AKAP6: variants seen among roughly 807,000 people sequenced by gnomAD.
AKAP6 encodes the protein A-kinase anchor protein 6.
In AKAP6, 58 loss-of-function variants were observed where a neutral mutation model predicts 188.5. That is an observed-to-expected ratio of 0.31 (90% CI 0.25 to 0.38). AKAP6 has a LOEUF of 0.38. AKAP6 is among the 10% of genes least tolerant of loss of function. The probability of loss-of-function intolerance (pLI) is 1.00; values close to 1 mark genes in which losing one functional copy is unlikely to be tolerated. For missense variants in AKAP6, 2,710 were observed against 2,740.0 expected, an observed-to-expected ratio of 0.99 and a Z score of 0.24; for synonymous variants, 989 against 998.6, an observed-to-expected ratio of 0.99 and a Z score of 0.18.
chr14:32,432,370 C>G (rs904677781), intron 1 of AKAP6, among the ~76,000 whole-genome samples: 1 of 152,138 alleles, frequency 6.6e-6, no homozygotes, highest in African/African-American at 2.4e-5. Flanking sequence ...GATAATTAAA[C>G]TAATTAAATT....
intron 2 of AKAP6, among the ~76,000 whole-genome samples, chr14:32,485,486 C>CT (rs1287006038): frequency 6.6e-6 from 1 of 152,130 alleles, no homozygotes; most frequent in Non-Finnish European, 1.5e-5. Context: ...TGTTTCCTGA[C>CT]TTTTTAATGA....
chr14:32,736,528 G>C (rs111827996), intron 11 of AKAP6, among the ~76,000 whole-genome samples: 10 of 152,142 alleles, frequency 6.6e-5, no homozygotes, highest in African/African-American at 2.2e-4. Context: ...TTCCCCTATT[G>C]CCCAACCTAG....
chr14:32,805,220 C>A (rs937575934), intron 12 of AKAP6, among the ~76,000 whole-genome samples: 1 of 152,174 alleles, frequency 6.6e-6, no homozygotes, highest in African/African-American at 2.4e-5. Context: ...TGCCACGGCT[C>A]CTGCCTGGTC....
intron 8 of AKAP6, among the ~76,000 whole-genome samples, chr14:32,692,494 T>G (rs923022365): frequency 2.6e-5 from 4 of 152,202 alleles, no homozygotes; most frequent in Non-Finnish European, 4.4e-5. Flanking sequence ...TCATTTTAAG[T>G]AAGTGAATTT....
At chr14:32,603,487 A>G (rs2139360302) in intron 7 of AKAP6, among the ~76,000 whole-genome samples, 1 of 152,274 alleles carries the variant, frequency 6.6e-6, no homozygotes, top group East Asian at 1.9e-4. Flanking sequence ...GAGGAGAAAC[A>G]TTGTCAGCAT....
At chr14:32,811,283 T>C (rs563513095) in intron 12 of AKAP6, among the ~76,000 whole-genome samples, 23 of 147,010 alleles carry the variant, frequency 1.6e-4, no homozygotes, top group African/African-American at 5.8e-4. Context: ...AGATAATGTG[T>C]GCCATTTTTG....
At chr14:32,666,291 C>T (rs773022434) in intron 7 of AKAP6, among the ~76,000 whole-genome samples, 33 of 151,912 alleles carry the variant, frequency 2.2e-4, no homozygotes, top group Admixed American at 1.6e-3. Flanking sequence ...AGTATAATAT[C>T]TCGATAAAAT....
At chr14:32,443,414 A>AT (rs1216645069) in intron 2 of AKAP6, among the ~76,000 whole-genome samples, 1 of 151,646 alleles carries the variant, frequency 6.6e-6, no homozygotes, top group Non-Finnish European at 1.5e-5. Context: ...AAACAAAAAA[A>AT]AAACAAAAAA....
chr14:32,708,158 G>A (rs1890891688), intron 9 of AKAP6, among the ~76,000 whole-genome samples: 1 of 152,002 alleles, frequency 6.6e-6, no homozygotes, highest in Non-Finnish European at 1.5e-5. Context: ...AATAGATGTA[G>A]GTGAATATCA....
chr14:32,779,228 A>T (rs1156414051), intron 12 of AKAP6, among the ~76,000 whole-genome samples: 2 of 151,524 alleles, frequency 1.3e-5, no homozygotes, highest in African/African-American at 4.8e-5. Context: ...AAACCCCGTC[A>T]CTACAAAAAA....
chr14:32,515,730 T>G (rs1403253153), intron 2 of AKAP6, among the ~76,000 whole-genome samples: 1 of 152,146 alleles, frequency 6.6e-6, no homozygotes, highest in Non-Finnish European at 1.5e-5. Context: ...CTAGATACAT[T>G]TTTTGCTTCA....
In AKAP6 at chr14:32,803,158, T is replaced by C. The variant is rs554687757; in HGVS notation, c.3589-18244T>C. 3.3e-5 allele frequency among the ~76,000 whole-genome samples: 5 copies of C among 152,002 alleles called. No homozygotes were observed. The South Asian group carries it at 1.0e-3, about 32-fold the overall frequency. ...AAATATTTTATGAATTAAGAAATATTTGTGGCCAGGCACGGTGGCTCATGC... is the reference window on the plus strand; with the variant it reads ...AAATATTTTATGAATTAAGAAATATCTGTGGCCAGGCACGGTGGCTCATGC... On this transcript the variant is annotated intron_variant, in intron 12 of 13. Transcript: ENST00000280979.
chr14:32,408,941 T>A (rs1243371119), intron 1 of AKAP6, among the ~76,000 whole-genome samples: 2 of 152,184 alleles, frequency 1.3e-5, no homozygotes, highest in African/African-American at 4.8e-5. Flanking sequence ...CTATATCGCC[T>A]GTAATCCCAG....
intron 7 of AKAP6, among the ~76,000 whole-genome samples, chr14:32,646,556 TA>T (rs1887994424): frequency 6.6e-6 from 1 of 152,318 alleles, no homozygotes; most frequent in South Asian, 2.1e-4. Context: ...ATGGCTGAAC[TA>T]GCAACAGTAA....
intron 9 of AKAP6, among the ~76,000 whole-genome samples, chr14:32,721,016 G>A (rs2030505489): frequency 6.6e-6 from 1 of 152,140 alleles, no homozygotes; most frequent in East Asian, 1.9e-4. Context: ...TACATTAATT[G>A]CTGCGCCTCA....
chr14:32,485,205 T>A (rs1010150439), intron 2 of AKAP6, among the ~76,000 whole-genome samples: 1 of 145,620 alleles, frequency 6.9e-6, no homozygotes, highest in Non-Finnish European at 1.5e-5. Context: ...CTTTATCCAG[T>A]CTATCATTGA....
chr14:32,761,101 T>A (rs1392999722), intron 11 of AKAP6, among the ~76,000 whole-genome samples: 1 of 152,018 alleles, frequency 6.6e-6, no homozygotes. Flanking sequence ...TTAGACGCTA[T>A]GAAAATAAAA....
At chr14:32,827,901 C>G (rs1236960175) in intron 13 of AKAP6, among the ~76,000 whole-genome samples, 4 of 152,086 alleles carry the variant, frequency 2.6e-5, no homozygotes, top group African/African-American at 9.7e-5. Context: ...TCATATGCGG[C>G]CAGTGTGTGC....
intron 12 of AKAP6, among the ~76,000 whole-genome samples, chr14:32,798,272 G>A (rs1037988551): frequency 3.9e-5 from 6 of 152,150 alleles, no homozygotes; most frequent in East Asian, 1.9e-4. Flanking sequence ...GCAGAGAAAA[G>A]GGAAAGCTTA....
Sources: gnomAD v4.1 joint callset for allele counts (sites outside exome capture counted in the v4.1 genomes callset) on GRCh38, gnomAD v4.1.1 for gene constraint, MANE v1.5 for transcripts, NCBI Gene and HGNC (gene_info 2026-07-23, HGNC 2026-07-21) for gene names.